Variants in NELL1 observed in about 807,000 individuals in gnomAD.
NELL1 encodes protein kinase C-binding protein NELL1.
Under a neutral mutation model 107.4 loss-of-function variants are expected in NELL1, and 76 were observed. That is an observed-to-expected ratio of 0.71 (90% CI 0.59 to 0.86). The LOEUF (loss-of-function observed/expected upper bound fraction) is 0.86, where lower values mean the gene tolerates loss of function less well. Ranked by LOEUF, NELL1 falls within the 40% of genes least tolerant of loss-of-function variation. NELL1 has a pLI of 0.00. For synonymous variants in NELL1, 353 were observed against 341.2 expected, an observed-to-expected ratio of 1.03 and a Z score of -0.38; for missense variants, 1,024 against 1,005.5, an observed-to-expected ratio of 1.02 and a Z score of -0.25.
intron 15 of NELL1, among the ~76,000 whole-genome samples, chr11:21,378,977 C>G (rs1851548481): frequency 6.6e-6 from 1 of 151,950 alleles, no homozygotes; most frequent in Non-Finnish European, 1.5e-5. Context: ...CTCAGCCTCC[C>G]AAAGTGTGCC....
At chr11:20,721,851 C>G (rs1252751794) in intron 2 of NELL1, among the ~76,000 whole-genome samples, 1 of 152,040 alleles carries the variant, frequency 6.6e-6, no homozygotes, top group African/African-American at 2.4e-5. Flanking sequence ...AAGAATCTAT[C>G]CTTTATCAGA....
At chr11:21,388,599 A>G (rs1233464720) in intron 15 of NELL1, among the ~76,000 whole-genome samples, 1 of 151,872 alleles carries the variant, frequency 6.6e-6, no homozygotes, top group East Asian at 1.9e-4. Context: ...ATACATTCAT[A>G]TAGGTTAAAT....
intron 2 of NELL1, among the ~76,000 whole-genome samples, chr11:20,739,199 G>A (rs757184442): frequency 3.3e-5 from 5 of 152,190 alleles, no homozygotes; most frequent in African/African-American, 4.8e-5. Flanking sequence ...ACACGGCAAC[G>A]TTGATCAGCA....
At chr11:20,703,645 C>G (rs897945147) in intron 2 of NELL1, among the ~76,000 whole-genome samples, 5 of 152,148 alleles carry the variant, frequency 3.3e-5, no homozygotes, top group Non-Finnish European at 5.9e-5. Flanking sequence ...GCATTTAGTG[C>G]TATAAATTTC....
intron 17 of NELL1, among the ~76,000 whole-genome samples, chr11:21,569,715 G>C (rs968768259): frequency 2.0e-5 from 3 of 151,778 alleles, no homozygotes; most frequent in African/African-American, 7.2e-5. Context: ...GAAGTAATGA[G>C]AAGTCTGATT....
chr11:21,449,368 A>G (rs1034552786), intron 15 of NELL1, among the ~76,000 whole-genome samples: 17 of 152,208 alleles, frequency 1.1e-4, no homozygotes, highest in African/African-American at 3.9e-4. Context: ...GTCTAATATT[A>G]TAAAGTTCCT....
intron 5 of NELL1, among the ~76,000 whole-genome samples, chr11:20,890,987 G>A (rs545502396): frequency 6.6e-6 from 1 of 152,142 alleles, no homozygotes; most frequent in African/African-American, 2.4e-5. Context: ...AGGCCAACAT[G>A]CAAATTCAGG....
intron 15 of NELL1, among the ~76,000 whole-genome samples, chr11:21,491,330 G>C (rs370408879): frequency 6.6e-6 from 1 of 152,226 alleles, no homozygotes; most frequent in East Asian, 1.9e-4. Flanking sequence ...TATGGTTTTA[G>C]GTCTAACGTT....
At chr11:21,234,281 G>T (rs1352078670) in intron 14 of NELL1, among the ~76,000 whole-genome samples, 8 of 152,152 alleles carry the variant, frequency 5.3e-5, no homozygotes, top group Non-Finnish European at 1.5e-5. Flanking sequence ...ATTTTCCCAT[G>T]ATCTCTCTCT....
chr11:20,888,392 G>C (rs1849553020), intron 5 of NELL1, among the ~76,000 whole-genome samples: 1 of 150,600 alleles, frequency 6.6e-6, no homozygotes, highest in Non-Finnish European at 1.5e-5. Context: ...TGGCTTCTTA[G>C]ATAGCTGAGA....
chr11:21,273,259 C>T (rs906367296), intron 14 of NELL1, among the ~76,000 whole-genome samples: 1 of 152,088 alleles, frequency 6.6e-6, no homozygotes, highest in Admixed American at 6.5e-5. Flanking sequence ...GATGAATGCA[C>T]AAGCCTCAGT....
At chr11:21,369,390 C>T (rs922229673) in intron 14 of NELL1, among the ~76,000 whole-genome samples, 3 of 122,150 alleles carry the variant, frequency 2.5e-5, no homozygotes, top group South Asian at 2.5e-4. Context: ...TTTGCATAGG[C>T]GAAGTGTTCT....
At chr11:21,069,860 A>T (rs900694131) in intron 12 of NELL1, among the ~76,000 whole-genome samples, 1 of 152,096 alleles carries the variant, frequency 6.6e-6, no homozygotes, top group Non-Finnish European at 1.5e-5. Flanking sequence ...CCTGTTTGGG[A>T]AAGCCATGTA....
intron 13 of NELL1, among the ~76,000 whole-genome samples, chr11:21,187,109 A>C (rs1856950936): frequency 6.6e-6 from 1 of 151,902 alleles, no homozygotes; most frequent in Non-Finnish European, 1.5e-5. Context: ...TATAATTTAA[A>C]AGTCTTTTTT....
chr11:20,974,613 C>T (rs548271784), intron 12 of NELL1, among the ~76,000 whole-genome samples: 8 of 151,914 alleles, frequency 5.3e-5, no homozygotes, highest in Middle Eastern at 3.4e-3. Context: ...TTTTTTGGTG[C>T]GGAGGGTAAA....
intron 12 of NELL1, among the ~76,000 whole-genome samples, chr11:20,974,965 A>G (rs1420544163): frequency 6.6e-6 from 1 of 152,120 alleles, no homozygotes; most frequent in African/African-American, 2.4e-5. Flanking sequence ...AAGGTTATTC[A>G]CTGTTATTCA....
chr11:20,700,589 A>G (rs868381529), intron 2 of NELL1, among the ~76,000 whole-genome samples: 8 of 152,186 alleles, frequency 5.3e-5, no homozygotes, highest in Middle Eastern at 6.8e-3. Flanking sequence ...TACATGTGCC[A>G]TGTTGGTGTG....
intron 3 of NELL1, among the ~76,000 whole-genome samples, chr11:20,834,681 C>A (rs1230208661): frequency 6.7e-6 from 1 of 148,184 alleles, no homozygotes. Flanking sequence ...CCAGCCTGGG[C>A]AACAGAGAGA....
chr11:21,439,682 T>C lies in NELL1; in HGVS notation c.1645+68734T>C, dbSNP rs571431370. The stretch of plus-strand genomic sequence containing the variant: ...TTAGTAAGTAATACAGCCAAGTCAA[T>C]GAGCATCCCAGCTTCACGCCATGTT... On this transcript the variant is annotated intron_variant, in intron 15 of 19. Coordinates refer to ENST00000357134, the MANE Select transcript of NELL1 (RefSeq NM_006157.5). Among the ~76,000 whole-genome samples the C allele has an allele frequency of 7.9e-5, 12 of 152,310 alleles. No homozygotes were observed. The East Asian group carries it at 2.1e-3, about 27-fold the overall frequency.
Sources: gnomAD v4.1 joint callset for allele counts (sites outside exome capture counted in the v4.1 genomes callset) on GRCh38, gnomAD v4.1.1 for gene constraint, MANE v1.5 for transcripts, NCBI Gene and HGNC (gene_info 2026-07-23, HGNC 2026-07-21) for gene names.